Variants in ATXN1 observed in about 807,000 individuals in gnomAD.
ATXN1 encodes ataxin 1, also known as ataxin-1.
In ATXN1, 8 loss-of-function variants were observed where a neutral mutation model predicts 56.4. The observed-to-expected ratio is 0.14, with a 90% CI of 0.08 to 0.26. The LOEUF is 0.26. ATXN1 is among the 10% of genes least tolerant of loss of function. The pLI, the probability that ATXN1 is intolerant of heterozygous loss-of-function variation, is 1.00. For synonymous variants in ATXN1, 514 were observed against 494.6 expected (o/e 1.04, Z -0.52); for missense variants, 987 against 1,106.5 (o/e 0.89, Z 1.53).
chr6:16,318,434 C>A (rs750873004), intron 7 of ATXN1, among the ~76,000 whole-genome samples: 3 of 152,090 alleles, frequency 2.0e-5, no homozygotes, highest in African/African-American at 7.2e-5. Context: ...AGAGAAAGGC[C>A]GGTCTGCTTT....
At chr6:16,675,281 C>T (rs1180712197) in intron 2 of ATXN1, among the ~76,000 whole-genome samples, 2 of 152,172 alleles carry the variant, frequency 1.3e-5, no homozygotes, top group South Asian at 2.1e-4. Flanking sequence ...CGTATGAGTC[C>T]GTGCTAAGAC....
intron 2 of ATXN1, among the ~76,000 whole-genome samples, chr6:16,731,293 G>C (rs1161039087): frequency 6.6e-6 from 1 of 151,846 alleles, no homozygotes; most frequent in Non-Finnish European, 1.5e-5. Flanking sequence ...AGCCAGGGAA[G>C]AATGAAAAGA....
intron 6 of ATXN1, among the ~76,000 whole-genome samples, chr6:16,361,459 T>A (rs1245568089): frequency 6.6e-6 from 1 of 152,164 alleles, no homozygotes; most frequent in Non-Finnish European, 1.5e-5. Flanking sequence ...ATGCCTTTTA[T>A]CCCCTTTTCC....
At chr6:16,395,832 A>G (rs907359573) in intron 6 of ATXN1, among the ~76,000 whole-genome samples, 6 of 151,892 alleles carry the variant, frequency 4.0e-5, no homozygotes, top group African/African-American at 1.4e-4. Flanking sequence ...CCTGGCCAAC[A>G]TGGTGAAACC....
At chr6:16,454,771 T>C (rs1455405422) in intron 6 of ATXN1, among the ~76,000 whole-genome samples, 2 of 152,232 alleles carry the variant, frequency 1.3e-5, no homozygotes, top group African/African-American at 2.4e-5. Context: ...TTTTAAAATA[T>C]GCTATTAAAT....
intron 2 of ATXN1, among the ~76,000 whole-genome samples, chr6:16,692,062 G>A (rs566614864): frequency 1.4e-3 from 208 of 152,282 alleles, no homozygotes; most frequent in African/African-American, 4.8e-3. Context: ...TCAGGAGTTC[G>A]AGACCAGCCT....
intron 6 of ATXN1, among the ~76,000 whole-genome samples, chr6:16,427,058 T>G (rs1389417198): frequency 6.6e-6 from 1 of 152,116 alleles, no homozygotes; most frequent in Non-Finnish European, 1.5e-5. Context: ...GGAGGCATCT[T>G]TGTGGATGGA....
chr6:16,624,360 A>G (rs1161545742), intron 3 of ATXN1, among the ~76,000 whole-genome samples: 1 of 145,640 alleles, frequency 6.9e-6, no homozygotes, highest in African/African-American at 2.5e-5. Context: ...TCAAGAAAAA[A>G]AAAAAAAAAA....
At chr6:16,715,909 T>C (rs1229871919) in intron 2 of ATXN1, among the ~76,000 whole-genome samples, 1 of 152,154 alleles carries the variant, frequency 6.6e-6, no homozygotes, top group African/African-American at 2.4e-5. Flanking sequence ...TAGACAAGCA[T>C]TCCCAAATTA....
At chr6:16,320,959 C>T (rs576898434) in intron 7 of ATXN1, among the ~76,000 whole-genome samples, 3 of 152,196 alleles carry the variant, frequency 2.0e-5, no homozygotes, top group Non-Finnish European at 4.4e-5. Context: ...TCATCAGCTG[C>T]CTCTCCTTCC....
At chr6:16,465,368 A>C (rs1021185868) in intron 6 of ATXN1, among the ~76,000 whole-genome samples, 4 of 152,186 alleles carry the variant, frequency 2.6e-5, no homozygotes, top group African/African-American at 9.6e-5. Context: ...GAGGCAGGAG[A>C]ATTGCTTGAA....
intron 4 of ATXN1, among the ~76,000 whole-genome samples, chr6:16,560,059 G>A (rs553125135): frequency 1.3e-5 from 2 of 152,208 alleles, no homozygotes; most frequent in East Asian, 3.9e-4. Flanking sequence ...TTTGCCCTCT[G>A]TTGTAGCTGG....
intron 6 of ATXN1, among the ~76,000 whole-genome samples, chr6:16,455,300 T>C (rs865922641): frequency 4.5e-4 from 68 of 152,290 alleles, no homozygotes; most frequent in Middle Eastern, 6.8e-3. Flanking sequence ...GACATAGAGA[T>C]GGCAAGTAAG....
At chr6:16,643,065 T>A (rs1194688198) in intron 3 of ATXN1, among the ~76,000 whole-genome samples, 1 of 151,312 alleles carries the variant, frequency 6.6e-6, no homozygotes, top group African/African-American at 2.4e-5. Context: ...GGGTCAGGAG[T>A]TCGAGACCAG....
rs568022429 is a variant in ATXN1 at position 16,596,054 on chromosome 6, T to C, written c.-488-10147A>G. ...TAGCTCTGTCACCCAGGCTGTGCAA[T>C]GGCACGATCATAGCTCACTGCAGCC... On this transcript the variant is annotated intron_variant, in intron 3 of 7. Transcript: ENST00000436367. Among the ~76,000 whole-genome samples, 229 of 152,302 alleles carry C rather than the reference T, an allele frequency of 1.5e-3. 1 individual carries two copies. Among genetic ancestry groups the C allele is most frequent in the African/African-American group, 5.3e-3 (221 of 41,560 alleles).
intron 6 of ATXN1, among the ~76,000 whole-genome samples, chr6:16,459,622 C>G (rs1490969508): frequency 6.6e-6 from 1 of 152,188 alleles, no homozygotes; most frequent in Non-Finnish European, 1.5e-5. Flanking sequence ...AAGGATGCTG[C>G]CTTCTGCGTT....
chr6:16,654,541 TAAAAAAAAAAAA>T (rs1212773515), intron 3 of ATXN1, among the ~76,000 whole-genome samples: 2,007 of 122,526 alleles, frequency 0.016, 36 homozygotes, highest in Middle Eastern at 0.032. Context: ...GACTCTGCCT[TAAAAAAAAAAAA>T]AAAAAAAAAA....
At chr6:16,519,703 G>C (rs1561736808) in intron 5 of ATXN1, among the ~76,000 whole-genome samples, 1 of 152,176 alleles carries the variant, frequency 6.6e-6, no homozygotes, top group East Asian at 1.9e-4. Context: ...CACACACAGG[G>C]AGGATGAAAA....
At chr6:16,518,956 TA>T in intron 5 of ATXN1, among the ~76,000 whole-genome samples, 1 of 152,286 alleles carries the variant, frequency 6.6e-6, no homozygotes, top group Admixed American at 6.5e-5. Context: ...ATATCTGCAT[TA>T]AAAAAACCAC....
Sources: gnomAD v4.1 joint callset for allele counts (sites outside exome capture counted in the v4.1 genomes callset) on GRCh38, gnomAD v4.1.1 for gene constraint, MANE v1.5 for transcripts, NCBI Gene and HGNC (gene_info 2026-07-23, HGNC 2026-07-21) for gene names.